PLPP4: variants seen among roughly 807,000 people sequenced by gnomAD.
PLPP4 encodes the protein phospholipid phosphatase 4.
A neutral mutation model predicts 32.2 loss-of-function variants in PLPP4; 20 were observed. The ratio of observed to expected loss-of-function variants is 0.62; its 90% CI spans 0.44 to 0.90. The LOEUF (loss-of-function observed/expected upper bound fraction) is 0.90. PLPP4 is among the 40% of genes least tolerant of loss of function. The probability of loss-of-function intolerance (pLI) is 0.00; values close to 1 mark genes in which losing one functional copy is unlikely to be tolerated. For missense variants in PLPP4, 257 were observed against 353.1 expected (o/e 0.73, Z 2.18); for synonymous variants, 127 against 133.0 (o/e 0.95, Z 0.31).
intron 1 of PLPP4, among the ~76,000 whole-genome samples, chr10:120,488,797 A>G (rs1844577090): frequency 6.6e-6 from 1 of 152,198 alleles, no homozygotes; most frequent in Non-Finnish European, 1.5e-5. Flanking sequence ...CACATTTTCA[A>G]AAATAGTCAT....
intron 1 of PLPP4, among the ~76,000 whole-genome samples, chr10:120,495,234 G>A (rs1844907315): frequency 6.6e-6 from 1 of 152,180 alleles, no homozygotes; most frequent in African/African-American, 2.4e-5. Context: ...GGCATGAGAT[G>A]TCTGCAATAT....
intron 1 of PLPP4, among the ~76,000 whole-genome samples, chr10:120,474,324 G>A (rs901894099): frequency 1.3e-5 from 2 of 151,728 alleles, no homozygotes; most frequent in African/African-American, 4.8e-5. Context: ...TATTTTTATG[G>A]TTCTCTGAGT....
At chr10:120,552,071 AAT>A (rs1455400327) in intron 5 of PLPP4, among the ~76,000 whole-genome samples, 1 of 151,752 alleles carries the variant, frequency 6.6e-6, no homozygotes, top group African/African-American at 2.4e-5. Flanking sequence ...GAACTGAGTA[AAT>A]ATCTGTTGAA....
chr10:120,544,701 A>C (rs892081031), intron 5 of PLPP4, among the ~76,000 whole-genome samples: 2 of 152,196 alleles, frequency 1.3e-5, no homozygotes, highest in African/African-American at 4.8e-5. Context: ...CCAGCCCAGC[A>C]CGTTGTATGT....
rs867785576 is a variant in PLPP4, at chr10:120,480,809, T to C, written c.57-23009T>C. 6.6e-5 allele frequency among the ~76,000 whole-genome samples: 10 copies of C among 152,300 alleles called. No homozygotes were observed. The Middle Eastern group carries it at 0.01, about 156-fold the overall frequency. ...TTTCCTTTCTTGCTACAACAACACT[T>C]TCCCCACTGTCCTCTGCTCCCTCAC... On this transcript the variant is annotated intron_variant, in intron 1 of 6. Coordinates refer to ENST00000398250, the MANE Select transcript of PLPP4 (RefSeq NM_001030059.3).
At chr10:120,566,065 A>T (rs370488101) in intron 5 of PLPP4, among the ~76,000 whole-genome samples, 65 of 152,082 alleles carry the variant, frequency 4.3e-4, no homozygotes, top group African/African-American at 1.5e-3. Context: ...TTCTTTTATA[A>T]TGTTTGTTTT....
intron 1 of PLPP4, among the ~76,000 whole-genome samples, chr10:120,477,636 C>G (rs1229189406): frequency 6.6e-6 from 1 of 152,178 alleles, no homozygotes; most frequent in African/African-American, 2.4e-5. Context: ...AGAAAGAAGT[C>G]TGGGTGTCAT....
At chr10:120,518,427 T>C (rs772187160) in intron 3 of PLPP4, among the ~76,000 whole-genome samples, 3 of 152,174 alleles carry the variant, frequency 2.0e-5, no homozygotes, top group Non-Finnish European at 2.9e-5. Flanking sequence ...GCAGCTGCTC[T>C]GATTAGAATT....
At chr10:120,485,071 T>G (rs1026576676) in intron 1 of PLPP4, among the ~76,000 whole-genome samples, 1 of 152,226 alleles carries the variant, frequency 6.6e-6, no homozygotes, top group African/African-American at 2.4e-5. Flanking sequence ...TTCTAGAGCT[T>G]CCAGAAAGGA....
intron 5 of PLPP4, among the ~76,000 whole-genome samples, chr10:120,572,965 A>G (rs772500939): frequency 1.2e-4 from 18 of 152,130 alleles, no homozygotes; most frequent in Admixed American, 1.2e-3. Context: ...AATACTTAAT[A>G]TCTATTGGCA....
intron 1 of PLPP4, among the ~76,000 whole-genome samples, chr10:120,471,678 A>G (rs878974788): frequency 1.4e-4 from 21 of 152,142 alleles, no homozygotes; most frequent in Middle Eastern, 6.8e-3. Context: ...TATATCTTTT[A>G]ACTTTATCTG....
Position 120,491,908 on chromosome 10 carries a change from C to T in PLPP4, c.57-11910C>T, listed in dbSNP as rs74159418. Among the ~76,000 whole-genome samples the T allele has an allele frequency of 6.7e-3, 1,019 of 152,254 alleles. 16 individuals carry two copies. Among genetic ancestry groups the T allele is most frequent in the African/African-American group, 0.023 (942 of 41,540 alleles). ...GTGATCTCCCATTACTATTGTAATA[C>T]CTGATGAAATTAATAATAATTTCTT... On this transcript the variant is annotated intron_variant, in intron 1 of 6. Coordinates refer to ENST00000398250, the MANE Select transcript of PLPP4 (RefSeq NM_001030059.3).
intron 1 of PLPP4, among the ~76,000 whole-genome samples, chr10:120,500,343 G>T (rs1428967225): frequency 6.6e-6 from 1 of 152,146 alleles, no homozygotes; most frequent in Non-Finnish European, 1.5e-5. Context: ...ACAGAGTGGG[G>T]GTGTGTGGCC....
At chr10:120,514,400 C>T (rs149379007) in intron 3 of PLPP4, among the ~76,000 whole-genome samples, 8 of 152,350 alleles carry the variant, frequency 5.3e-5, no homozygotes, top group South Asian at 4.1e-4. Context: ...CAACCACAGA[C>T]TCCTCGACCA....
chr10:120,503,085 AGT>A (rs1845338828), intron 1 of PLPP4, among the ~76,000 whole-genome samples: 1 of 152,158 alleles, frequency 6.6e-6, no homozygotes, highest in African/African-American at 2.4e-5. Flanking sequence ...CTCTCCTCTG[AGT>A]CCCATCCTCA....
At chr10:120,520,862 A>C in intron 4 of PLPP4, 109 bp from the exon 5 acceptor site, 1 of 1,362,808 alleles carries the variant, frequency 7.3e-7, no homozygotes, top group Non-Finnish European at 1.0e-6. Flanking sequence ...GTTGACAGCC[A>C]AGGGGGCTGA....
Position 120,521,059 on chromosome 10 carries a change from G to A in PLPP4, c.409G>A (p.Glu137Lys), listed in dbSNP as rs376412559. 1.1e-5 allele frequency: 17 copies of A among 1,613,946 alleles called. No homozygotes were observed. The highest frequency in any genetic ancestry group is 4.0e-5 in the African/African-American group (3 of 74,886). Reference protein sequence around the residue: ...HCTGDPDLVSEGRKSFPSIHS... With the variant: ...HCTGDPDLVSKGRKSFPSIHS... ...CACAGGTGACCCCGATCTGGTGTCC[G>A]AGGGCCGCAAAAGCTTCCCCAGCAT... Residue 137 changes from glutamate to lysine, a missense_variant, in exon 5 of 7, where the codon GAG becomes AAG. Physicochemically the swap from Glu to Lys is moderately conservative, Grantham distance 56. Transcript: ENST00000398250.
intron 1 of PLPP4, among the ~76,000 whole-genome samples, chr10:120,495,351 A>G (rs1023160193): frequency 6.6e-6 from 1 of 152,184 alleles, no homozygotes; most frequent in Non-Finnish European, 1.5e-5. Flanking sequence ...GCTGGCCCAC[A>G]GGCTTACAGA....
At chr10:120,564,758 A>C (rs971574020) in intron 5 of PLPP4, among the ~76,000 whole-genome samples, 1 of 151,980 alleles carries the variant, frequency 6.6e-6, no homozygotes, top group African/African-American at 2.4e-5. Context: ...AAAGACAATC[A>C]AACATTAATA....
Sources: allele counts gnomAD v4.1 joint callset (sites outside exome capture counted in the v4.1 genomes callset), GRCh38; gene constraint gnomAD v4.1.1; transcripts MANE v1.5; gene names NCBI Gene and HGNC (gene_info 2026-07-23, HGNC 2026-07-21).